The following HOMER1 variants were observed in gnomAD, a reference collection of about 807,000 sequenced individuals.
HOMER1 encodes the protein homer protein homolog 1.
Under a neutral mutation model 48.9 loss-of-function variants are expected in HOMER1, and 3 were observed. That is an observed-to-expected ratio of 0.06 (90% confidence interval 0.03 to 0.16). HOMER1 has a LOEUF of 0.16. Among genes scored for constraint, HOMER1 ranks in the 10% least tolerant of loss-of-function variants. The probability of loss-of-function intolerance (pLI) is 1.00; values close to 1 mark genes in which losing one functional copy is unlikely to be tolerated. For missense variants in HOMER1, 247 were observed against 411.4 expected, an observed-to-expected ratio of 0.60 and a Z score of 3.46; for synonymous variants, 134 against 146.4, an observed-to-expected ratio of 0.92 and a Z score of 0.61.
At chr5:79,488,321 T>C (rs894888911) in intron 1 of HOMER1, among the ~76,000 whole-genome samples, 2 of 152,254 alleles carry the variant, frequency 1.3e-5, no homozygotes, top group Non-Finnish European at 2.9e-5. Flanking sequence ...TCACGATTGA[T>C]GCAGGAGATT....
chr5:79,422,574 G>A lies in HOMER1; in HGVS notation c.527+16436C>T, dbSNP rs148456748. On this transcript the variant is annotated intron_variant, in intron 5 of 8. Coordinates refer to ENST00000334082, the MANE Select transcript of HOMER1 (RefSeq NM_004272.5). ...TTGGATTTTTCTTCCTGAAAAAGCA[G>A]AAATTGTATCCATTCTACTTCTCAT... Among the ~76,000 whole-genome samples the A allele has an allele frequency of 5.7e-3, 849 of 149,434 alleles. 3 individuals are homozygous for A. The highest frequency in any genetic ancestry group is 9.6e-3 in the Admixed American group (143 of 14,972).
At chr5:79,419,961 T>G (rs919602987) in intron 5 of HOMER1, among the ~76,000 whole-genome samples, 3 of 151,868 alleles carry the variant, frequency 2.0e-5, no homozygotes, top group Non-Finnish European at 4.4e-5. Context: ...TGGGTTTCAT[T>G]TGGAGAAGAT....
chr5:79,469,021 G>C (rs1159701167), intron 1 of HOMER1, among the ~76,000 whole-genome samples: 1 of 152,138 alleles, frequency 6.6e-6, no homozygotes, highest in Non-Finnish European at 1.5e-5. Flanking sequence ...GAAAAAGACA[G>C]AATCTAAAAT....
chr5:79,404,115 T>C (rs1158511118), intron 5 of HOMER1, among the ~76,000 whole-genome samples: 1 of 152,226 alleles, frequency 6.6e-6, no homozygotes, highest in Non-Finnish European at 1.5e-5. Flanking sequence ...GAAACTTCAA[T>C]CTGACGATTG....
intron 8 of HOMER1, among the ~76,000 whole-genome samples, chr5:79,387,776 C>A (rs1211047353): frequency 6.6e-6 from 1 of 152,116 alleles, no homozygotes; most frequent in East Asian, 1.9e-4. Flanking sequence ...GATTTCTGGG[C>A]AGCCAAGGTA....
In HOMER1 at chr5:79,373,316, A is replaced by G. The variant is rs1482634178; in HGVS notation, c.*2693T>C. Reference sequence around the variant, plus strand: ...TTTTTGCTTTTCTTTTTTTTTTTCAATTTTTGTTTTTGTACAAGATTCAAT... The same window carrying G: ...TTTTTGCTTTTCTTTTTTTTTTTCAGTTTTTGTTTTTGTACAAGATTCAAT... On this transcript the variant is annotated 3_prime_UTR_variant, in exon 9 of 9. Transcript: ENST00000334082. The G allele has an allele frequency of 6.6e-6, 1 of 150,886 alleles. No individual in the cohort carries two copies. Among genetic ancestry groups the G allele is most frequent in the Non-Finnish European group, 1.5e-5 (1 of 67,654 alleles). The allele number at this position is 150,886 out of a possible 1,614,324, so 9.3% of individuals were successfully genotyped here. A position where few individuals can be genotyped will look rare whatever the true frequency, so the allele number is the denominator to read the frequency against.
intron 1 of HOMER1, among the ~76,000 whole-genome samples, chr5:79,472,546 A>G (rs1022028308): frequency 2.0e-5 from 3 of 151,942 alleles, no homozygotes; most frequent in African/African-American, 4.8e-5. Context: ...AGGCTGAGGT[A>G]GGAGAATCAC....
At chr5:79,466,441 T>C (rs1751466336) in intron 1 of HOMER1, among the ~76,000 whole-genome samples, 1 of 151,854 alleles carries the variant, frequency 6.6e-6, no homozygotes. Flanking sequence ...AAGGCTGCAG[T>C]GAGCTGAGAT....
At chr5:79,401,768 A>T in intron 6 of HOMER1, 131 bp downstream of exon 6, 1 of 843,144 alleles carries the variant, frequency 1.2e-6, no homozygotes, top group South Asian at 1.8e-5. Context: ...AATGCATATC[A>T]TACAACCCAT....
intron 1 of HOMER1, among the ~76,000 whole-genome samples, chr5:79,497,300 T>C (rs912359538): frequency 5.3e-5 from 8 of 152,000 alleles, no homozygotes; most frequent in African/African-American, 1.9e-4. Context: ...CTGTTAAAAG[T>C]AATCAGGTTT....
At chr5:79,447,950 C>G (rs539425851) in intron 3 of HOMER1, among the ~76,000 whole-genome samples, 1 of 152,282 alleles carries the variant, frequency 6.6e-6, no homozygotes, top group South Asian at 2.1e-4. Context: ...TCTGTTAGAG[C>G]TGGTAATTAA....
intron 1 of HOMER1, among the ~76,000 whole-genome samples, chr5:79,505,843 A>C (rs750876923): frequency 6.6e-6 from 1 of 152,192 alleles, no homozygotes; most frequent in African/African-American, 2.4e-5. Flanking sequence ...CTACCTTAAT[A>C]GAAAAAAACA....
At chr5:79,400,085 A>AT (rs5868992) in intron 6 of HOMER1, among the ~76,000 whole-genome samples, 145,779 of 151,200 alleles carry the variant, frequency 0.96, 70,471 homozygotes, top group East Asian at 1. Context: ...ATTGTCATAA[A>AT]TTTTTTTTTG....
At chr5:79,378,538 G>A (rs542270391) in intron 8 of HOMER1, among the ~76,000 whole-genome samples, 1 of 152,220 alleles carries the variant, frequency 6.6e-6, no homozygotes, top group Non-Finnish European at 1.5e-5. Flanking sequence ...AAATTCAGAA[G>A]CCAAACACAT....
chr5:79,394,559 C>A (rs1749332901), intron 8 of HOMER1, among the ~76,000 whole-genome samples: 2 of 152,146 alleles, frequency 1.3e-5, no homozygotes, highest in African/African-American at 4.8e-5. Flanking sequence ...AATTACTGCT[C>A]TATCAATGAT....
At chr5:79,458,165 C>G (rs1034083682) in intron 1 of HOMER1, among the ~76,000 whole-genome samples, 2 of 152,034 alleles carry the variant, frequency 1.3e-5, no homozygotes, top group African/African-American at 4.8e-5. Flanking sequence ...AATATCATTA[C>G]AGAATTCTTT....
intron 1 of HOMER1, among the ~76,000 whole-genome samples, chr5:79,495,903 T>C (rs1433725772): frequency 2.6e-5 from 4 of 152,182 alleles, no homozygotes; most frequent in South Asian, 4.1e-4. Context: ...TGGTCAAACA[T>C]GGCAAATTAA....
intron 1 of HOMER1, among the ~76,000 whole-genome samples, chr5:79,506,145 C>T (rs1317129781): frequency 2.0e-5 from 3 of 150,944 alleles, no homozygotes; most frequent in Non-Finnish European, 4.4e-5. Flanking sequence ...ATGGAGTTTC[C>T]CTCTGGTTGC....
At chr5:79,419,153 C>G (rs1580437591) in intron 5 of HOMER1, among the ~76,000 whole-genome samples, 1 of 151,986 alleles carries the variant, frequency 6.6e-6, no homozygotes, top group South Asian at 2.1e-4. Context: ...AGACATCTAT[C>G]ATTAATACCT....
Sources: allele counts gnomAD v4.1 joint callset (sites outside exome capture counted in the v4.1 genomes callset), GRCh38; gene constraint gnomAD v4.1.1; transcripts MANE v1.5; gene names NCBI Gene and HGNC (gene_info 2026-07-23, HGNC 2026-07-21).